Variants in CACNA1E observed in about 807,000 individuals in gnomAD.
CACNA1E encodes the protein calcium voltage-gated channel subunit alpha1 E, also known as voltage-dependent R-type calcium channel subunit alpha-1E.
CACNA1E carries 40 observed loss-of-function variants against 259.2 expected under a neutral mutation model. That is an observed-to-expected ratio of 0.15 (90% CI 0.12 to 0.20). The LOEUF (loss-of-function observed/expected upper bound fraction) is 0.20. Ranked by LOEUF, CACNA1E falls within the 10% of genes least tolerant of loss-of-function variation. The probability of loss-of-function intolerance (pLI) is 1.00; values close to 1 mark genes in which losing one functional copy is unlikely to be tolerated. For missense variants in CACNA1E, 1,874 were observed against 3,040.1 expected (o/e 0.62, Z 9.02); for synonymous variants, 1,104 against 1,138.5 (o/e 0.97, Z 0.61).
At position 181,801,505 on chromosome 1, in the gene CACNA1E, G is replaced by T. The variant is rs2102926066; in HGVS notation, c.*2671G>T. 6.6e-6 allele frequency: 1 copy of T among 152,178 alleles called. No individual in the cohort carries two copies. The highest frequency in any genetic ancestry group is 2.1e-4 in the South Asian group (1 of 4,798). The allele number at this position is 152,178 out of a possible 1,614,324, so 9.4% of individuals were successfully genotyped here. A position where few individuals can be genotyped will look rare whatever the true frequency, so the allele number is the denominator to read the frequency against. On this transcript the variant is annotated 3_prime_UTR_variant, in exon 48 of 48. Transcript: ENST00000367573. The stretch of plus-strand genomic sequence containing the variant: ...TCACCTTCCCTTGACCAAGAAATTG[G>T]GTTTCTTTTCCCTCAGCCTGCACTT...
intron 1 of CACNA1E, among the ~76,000 whole-genome samples, chr1:181,495,779 G>A (rs1231960266): frequency 6.6e-6 from 1 of 152,218 alleles, no homozygotes; most frequent in Non-Finnish European, 1.5e-5. Flanking sequence ...TAATGTGTAT[G>A]AAAGCCCTTT....
chr1:181,685,387 C>A (rs1212819247), intron 7 of CACNA1E, among the ~76,000 whole-genome samples: 1 of 152,062 alleles, frequency 6.6e-6, no homozygotes, highest in Admixed American at 6.6e-5. Flanking sequence ...GTTGAGGGAA[C>A]CGAGTTGGAA....
chr1:181,349,409 G>C (rs1652858625), intron 1 of CACNA1E, among the ~76,000 whole-genome samples: 1 of 152,218 alleles, frequency 6.6e-6, no homozygotes, highest in East Asian at 1.9e-4. Flanking sequence ...CCTGCCCCAA[G>C]GGAGGCAGGG....
Position 181,655,142 on chromosome 1 carries a change from G to A in CACNA1E, c.1055+3701G>A, listed in dbSNP as rs577030282. On this transcript the variant is annotated intron_variant, in intron 7 of 47. Transcript: ENST00000367573. Reference sequence around the variant, plus strand: ...TTCAAATCAAAGGCACATTTTGAATGTATTATAATTTTTTTAAATTTTTAT... The same window carrying A: ...TTCAAATCAAAGGCACATTTTGAATATATTATAATTTTTTTAAATTTTTAT... Among the ~76,000 whole-genome samples the A allele has an allele frequency of 3.9e-5, 6 of 152,142 alleles. No homozygotes were observed. In the East Asian group the frequency reaches 1.2e-3, roughly 29 times the overall value.
chr1:181,774,111 G>GTAAT (rs1206027163), intron 37 of CACNA1E, among the ~76,000 whole-genome samples: 1 of 152,174 alleles, frequency 6.6e-6, no homozygotes, highest in African/African-American at 2.4e-5. Context: ...AAGGGTGATG[G>GTAAT]TAATTAAACC....
At chr1:181,329,488 C>A (rs1651064575) in intron 1 of CACNA1E, among the ~76,000 whole-genome samples, 1 of 152,052 alleles carries the variant, frequency 6.6e-6, no homozygotes, top group Non-Finnish European at 1.5e-5. Context: ...CTCTCTATCA[C>A]CCACCAGCTT....
At chr1:181,543,309 G>C (rs1457718590) in intron 3 of CACNA1E, among the ~76,000 whole-genome samples, 1 of 152,122 alleles carries the variant, frequency 6.6e-6, no homozygotes, top group Non-Finnish European at 1.5e-5. Context: ...TGTTCACTAG[G>C]GTTTCAGGTT....
intron 1 of CACNA1E, among the ~76,000 whole-genome samples, chr1:181,331,563 G>A (rs1460263015): frequency 2.0e-5 from 3 of 152,126 alleles, no homozygotes; most frequent in Non-Finnish European, 4.4e-5. Flanking sequence ...CTCATTAAAG[G>A]TACGCTTTCC....
chr1:181,705,113 G>T (rs1652664808), intron 7 of CACNA1E, among the ~76,000 whole-genome samples: 1 of 152,224 alleles, frequency 6.6e-6, no homozygotes, highest in Non-Finnish European at 1.5e-5. Flanking sequence ...CATTAAGGCA[G>T]AAATTAGCCA....
At chr1:181,693,128 C>CAAAAAAAAAAAAAAAAAAAAAAAAA (rs61662957) in intron 7 of CACNA1E, among the ~76,000 whole-genome samples, 1 of 97,848 alleles carries the variant, frequency 1.0e-5, no homozygotes, top group African/African-American at 3.9e-5. Context: ...CTATCTAAAG[C>CAAAAAAAAAAAAAAAAAAAAAAAAA]AAAAAAAAAA....
intron 28 of CACNA1E, among the ~76,000 whole-genome samples, 171 bp from the exon 29 acceptor site, chr1:181,755,785 C>A (rs982574324): frequency 6.6e-6 from 1 of 152,186 alleles, no homozygotes; most frequent in African/African-American, 2.4e-5. Context: ...GCACCAAATC[C>A]CATTTTTGCT....
At chr1:181,687,078 C>T (rs2102300283) in intron 7 of CACNA1E, among the ~76,000 whole-genome samples, 1 of 152,074 alleles carries the variant, frequency 6.6e-6, no homozygotes, top group East Asian at 1.9e-4. Context: ...CTCAAGCTCC[C>T]CATAATTCAC....
At chr1:181,693,148 A>C (rs895566697) in intron 7 of CACNA1E, among the ~76,000 whole-genome samples, 18 of 145,628 alleles carry the variant, frequency 1.2e-4, no homozygotes, top group Non-Finnish European at 2.4e-4. Context: ...AAAAAAAAAA[A>C]AACAACAGAT....
chr1:181,560,269 A>G (rs1046420414), intron 3 of CACNA1E, among the ~76,000 whole-genome samples: 2 of 142,752 alleles, frequency 1.4e-5, no homozygotes, highest in Non-Finnish European at 3.1e-5. Flanking sequence ...TATAAGGAAT[A>G]TATTTCCATT....
intron 2 of CACNA1E, among the ~76,000 whole-genome samples, chr1:181,417,128 T>C (rs1270931360): frequency 6.6e-6 from 1 of 152,148 alleles, no homozygotes; most frequent in East Asian, 1.9e-4. Context: ...CTCCCTCTAG[T>C]GCTCAGTTCC....
chr1:181,699,063 G>A (rs1651980434), intron 7 of CACNA1E, among the ~76,000 whole-genome samples: 1 of 152,166 alleles, frequency 6.6e-6, no homozygotes, highest in Non-Finnish European at 1.5e-5. Context: ...TTTTCAGAAG[G>A]TCCTGGTAGA....
chr1:181,806,162 A>G lies in CACNA1E; in HGVS notation c.*7328A>G, dbSNP rs1662608961. ...TCTTTATGACTTCAGCAACTCTTCA[A>G]CATAGTAGCACCAATAAAGGAGAGA... is the stretch of plus-strand genomic sequence containing the variant. On this transcript the variant is annotated 3_prime_UTR_variant, in exon 48 of 48. Transcript: ENST00000367573. 1 of 152,218 alleles carries G rather than the reference A, an allele frequency of 6.6e-6. No homozygotes were observed. The highest frequency in any genetic ancestry group is 6.5e-5 in the Admixed American group (1 of 15,278). The allele number at this position is 152,218 out of a possible 1,614,324, so 9.4% of individuals were successfully genotyped here.
chr1:181,345,045 G>A (rs1358656658), intron 1 of CACNA1E, among the ~76,000 whole-genome samples: 1 of 152,210 alleles, frequency 6.6e-6, no homozygotes, highest in Non-Finnish European at 1.5e-5. Flanking sequence ...GGGGCAGGCA[G>A]GACTCCTGCA....
At chr1:181,371,552 A>G (rs538678490) in intron 1 of CACNA1E, among the ~76,000 whole-genome samples, 41 of 152,296 alleles carry the variant, frequency 2.7e-4, no homozygotes, top group African/African-American at 9.9e-4. Flanking sequence ...GATTACAGGC[A>G]TGAACCACTG....
Sources: gnomAD v4.1 joint callset for allele counts (sites outside exome capture counted in the v4.1 genomes callset) on GRCh38, gnomAD v4.1.1 for gene constraint, MANE v1.5 for transcripts, NCBI Gene and HGNC (gene_info 2026-07-23, HGNC 2026-07-21) for gene names.